The following MAP4 variants were observed in gnomAD, a reference collection of about 807,000 sequenced individuals.
MAP4 encodes the protein microtubule associated protein 4.
In MAP4, 76 loss-of-function variants were observed where a neutral mutation model predicts 170.2. That is an observed-to-expected ratio of 0.45 (90% CI 0.37 to 0.54). MAP4 has a LOEUF of 0.54. Ranked by LOEUF, MAP4 falls within the 20% of genes least tolerant of loss-of-function variation. The pLI, the probability that MAP4 is intolerant of heterozygous loss-of-function variation, is 0.00. For missense variants in MAP4, 2,506 were observed against 2,748.0 expected (o/e 0.91, Z 1.97); for synonymous variants, 909 against 994.5 (o/e 0.91, Z 1.62).
chr3:47,937,175 A>T (rs2100053457), intron 3 of MAP4, among the ~76,000 whole-genome samples: 2 of 152,114 alleles, frequency 1.3e-5, no homozygotes, highest in Non-Finnish European at 2.9e-5. Flanking sequence ...GAGACTTTTG[A>T]CTTATCCATT....
chr3:48,061,071 T>C (rs1395684020), intron 1 of MAP4, among the ~76,000 whole-genome samples: 1 of 151,984 alleles, frequency 6.6e-6, no homozygotes, highest in East Asian at 1.9e-4. Context: ...GGTTTCAATC[T>C]CCTGACCTCG....
chr3:47,905,716 A>T (rs919097791), intron 9 of MAP4, among the ~76,000 whole-genome samples: 3 of 152,068 alleles, frequency 2.0e-5, no homozygotes, highest in Non-Finnish European at 4.4e-5. Context: ...AAACACAGCC[A>T]GGCATGGTAG....
chr3:47,987,628 A>C (rs1013431), intron 2 of MAP4, among the ~76,000 whole-genome samples: 95,411 of 152,066 alleles, frequency 0.63, 30,663 homozygotes, highest in East Asian at 0.73. Flanking sequence ...GCAGGTAACT[A>C]AATGTGAACA....
intron 1 of MAP4, among the ~76,000 whole-genome samples, chr3:48,031,158 C>A (rs1296395716): frequency 6.6e-6 from 1 of 151,994 alleles, no homozygotes; most frequent in Admixed American, 6.6e-5. Flanking sequence ...CATCTGTAAT[C>A]CCAGCACTTT....
intron 1 of MAP4, among the ~76,000 whole-genome samples, chr3:48,033,270 A>G (rs2100117100): frequency 6.6e-6 from 1 of 152,224 alleles, no homozygotes; most frequent in African/African-American, 2.4e-5. Context: ...AGGTAAGTCC[A>G]GCTATATCTA....
intron 1 of MAP4, among the ~76,000 whole-genome samples, chr3:48,062,704 C>T (rs983387417): frequency 2.0e-5 from 3 of 151,458 alleles, no homozygotes; most frequent in Non-Finnish European, 4.4e-5. Context: ...GGGCAGATCA[C>T]CTGAGGTTGG....
intron 1 of MAP4, among the ~76,000 whole-genome samples, chr3:48,050,006 T>C (rs571962316): frequency 7.3e-5 from 11 of 151,234 alleles, no homozygotes; most frequent in Admixed American, 6.6e-4. Context: ...ATACCTGTAA[T>C]CCCAGCAATT....
chr3:48,073,271 AC>A (rs2100141921), intron 1 of MAP4, among the ~76,000 whole-genome samples: 1 of 147,696 alleles, frequency 6.8e-6, no homozygotes, highest in African/African-American at 2.5e-5. Context: ...ACACACACAC[AC>A]ACACACACAC....
chr3:47,905,651 T>C (rs745330389), intron 9 of MAP4, among the ~76,000 whole-genome samples: 2 of 151,280 alleles, frequency 1.3e-5, no homozygotes, highest in African/African-American at 2.4e-5. Context: ...TTTCAGAGCA[T>C]GGATTGGCTT....
intron 1 of MAP4, among the ~76,000 whole-genome samples, chr3:48,065,379 T>C (rs549060942): frequency 6.6e-6 from 1 of 152,308 alleles, no homozygotes; most frequent in Admixed American, 6.5e-5. Flanking sequence ...AATCAGAATC[T>C]GCCTTATAAA....
At chr3:48,048,930 T>A (rs1305671405) in intron 1 of MAP4, among the ~76,000 whole-genome samples, 1 of 152,196 alleles carries the variant, frequency 6.6e-6, no homozygotes, top group Non-Finnish European at 1.5e-5. Context: ...CCCCTCCACC[T>A]ACTACCCCCC....
At chr3:48,074,590 C>T (rs2100142754) in intron 1 of MAP4, among the ~76,000 whole-genome samples, 1 of 141,406 alleles carries the variant, frequency 7.1e-6, no homozygotes, top group African/African-American at 2.7e-5. Flanking sequence ...CACAGATCGA[C>T]GTCCTGGGCT....
chr3:47,936,185 A>T (rs1035670163), intron 3 of MAP4, among the ~76,000 whole-genome samples: 2 of 151,976 alleles, frequency 1.3e-5, no homozygotes, highest in Non-Finnish European at 2.9e-5. Flanking sequence ...CTGTAATCCT[A>T]GCACTTTGAG....
rs528970719 is a variant in MAP4, at chr3:47,877,170, C to A, written c.5541+247G>T. ...GAGATTACAGGCATGAGCCACCATG[C>A]CCGGCCTCTACAGAACATTTTTTAC... On this transcript the variant is annotated intron_variant, in intron 11 of 20. Coordinates refer to ENST00000683076, the MANE Select transcript of MAP4 (RefSeq NM_001385682.1). The A allele has an allele frequency of 1.7e-4, 62 of 365,384 alleles. 1 individual carries two copies. Among genetic ancestry groups the A allele is most frequent in the Admixed American group, 1.2e-3 (31 of 25,722 alleles). 22.6% of individuals were successfully genotyped at this position (365,384 alleles called of 1,614,324 possible).
intron 4 of MAP4, among the ~76,000 whole-genome samples, chr3:47,925,950 G>A (rs2100045662): frequency 6.6e-6 from 1 of 152,088 alleles, no homozygotes; most frequent in South Asian, 2.1e-4. Context: ...TGCCTCCCGG[G>A]CTCAAGTGAT....
At chr3:48,062,019 A>C (rs2100135838) in intron 1 of MAP4, among the ~76,000 whole-genome samples, 1 of 152,158 alleles carries the variant, frequency 6.6e-6, no homozygotes, top group Non-Finnish European at 1.5e-5. Context: ...CTCACTGGGA[A>C]CGGGCCATGA....
chr3:48,067,050 C>G (rs1408225149), intron 1 of MAP4, among the ~76,000 whole-genome samples: 2 of 151,868 alleles, frequency 1.3e-5, no homozygotes, highest in South Asian at 2.1e-4. Flanking sequence ...CCATGCTAGC[C>G]AGGATGGTCT....
intron 5 of MAP4, 59 bp from the exon 6 acceptor site, chr3:47,918,900 G>C (rs1365389369): frequency 3.5e-6 from 5 of 1,434,150 alleles, no homozygotes; most frequent in Non-Finnish European, 4.8e-6. Flanking sequence ...GAAACAAAAG[G>C]TATTTGATAT....
At position 47,879,793 on chromosome 3, in the gene MAP4, C is replaced by A. The variant is rs1045613702; in HGVS notation, c.5435-2270G>T. Among the ~76,000 whole-genome samples the A allele has an allele frequency of 3.3e-5, 5 of 152,184 alleles. No individual in the cohort carries two copies. In the East Asian group the frequency reaches 9.6e-4, roughly 29 times the overall value. On this transcript the variant is annotated intron_variant, in intron 10 of 20. Transcript: ENST00000683076. ...TACCCCTCTATAGCCATATCTACCC[C>A]ATCCCCTTTCCAATCCCTAAATATA...
Sources: gnomAD v4.1 joint callset for allele counts (sites outside exome capture counted in the v4.1 genomes callset) on GRCh38, gnomAD v4.1.1 for gene constraint, MANE v1.5 for transcripts, NCBI Gene and HGNC (gene_info 2026-07-23, HGNC 2026-07-21) for gene names.